SLC49A4: variants seen among roughly 807,000 people sequenced by gnomAD.
SLC49A4 encodes disrupted in renal cancer protein 2.
Under a neutral mutation model 50.6 loss-of-function variants are expected in SLC49A4, and 36 were observed. The observed-to-expected ratio is 0.71, with a 90% CI of 0.55 to 0.94. SLC49A4 has a LOEUF of 0.94. Ranked by LOEUF, SLC49A4 falls within the 40% of genes least tolerant of loss-of-function variation. The pLI is 0.00. For synonymous variants in SLC49A4, 248 were observed against 241.2 expected (o/e 1.03, Z -0.26); for missense variants, 503 against 605.7 (o/e 0.83, Z 1.78).
chr3:122,833,201 A>T (rs1936630317), intron 3 of SLC49A4, 116 bp from the exon 4 acceptor site: 2 of 1,000,894 alleles, frequency 2.0e-6, no homozygotes, highest in Admixed American at 4.0e-5. Context: ...TGTTCATGCC[A>T]CTGCATTCCA....
chr3:122,804,765 G>C (rs752311469), intron 1 of SLC49A4, among the ~76,000 whole-genome samples: 1 of 152,228 alleles, frequency 6.6e-6, no homozygotes, highest in African/African-American at 2.4e-5. Flanking sequence ...GATTATAGGC[G>C]TGAACCACAG....
intron 1 of SLC49A4, among the ~76,000 whole-genome samples, chr3:122,805,622 G>A (rs1936207469): frequency 6.6e-6 from 1 of 152,210 alleles, no homozygotes; most frequent in Admixed American, 6.5e-5. Flanking sequence ...GGCCACCTTT[G>A]CCATAGACTT....
intron 4 of SLC49A4, among the ~76,000 whole-genome samples, chr3:122,839,658 C>T (rs766842882): frequency 6.6e-6 from 1 of 152,106 alleles, no homozygotes; most frequent in Non-Finnish European, 1.5e-5. Context: ...CACTAATCAT[C>T]AGGGAAATGC....
At chr3:122,838,947 A>G (rs1359009950) in intron 4 of SLC49A4, among the ~76,000 whole-genome samples, 4 of 152,208 alleles carry the variant, frequency 2.6e-5, no homozygotes, top group Non-Finnish European at 5.9e-5. Context: ...CCTAAGCAAA[A>G]GGAACAAATC....
rs1479029921 is a variant in SLC49A4 at position 122,830,222 on chromosome 3, T to C, written c.704-3095T>C. 4.6e-5 allele frequency among the ~76,000 whole-genome samples: 7 copies of C among 152,340 alleles called. No individual in the cohort carries two copies. The East Asian group carries it at 1.4e-3, about 29-fold the overall frequency. The stretch of plus-strand genomic sequence containing the variant: ...CATTCCATGTTCATGTTGGGAGGTT[T>C]AATATTGTGAAGATATCCCCAAGTT... On this transcript the variant is annotated intron_variant, in intron 3 of 8. Transcript: ENST00000261038.
At chr3:122,814,145 A>G (rs1936334370) in intron 2 of SLC49A4, among the ~76,000 whole-genome samples, 1 of 152,056 alleles carries the variant, frequency 6.6e-6, no homozygotes, top group Non-Finnish European at 1.5e-5. Flanking sequence ...GTGCATTCCT[A>G]TAATCCCAGC....
intron 6 of SLC49A4, among the ~76,000 whole-genome samples, chr3:122,858,400 G>A (rs149590033): frequency 1.9e-3 from 288 of 152,268 alleles, no homozygotes; most frequent in African/African-American, 6.8e-3. Flanking sequence ...TCTGAAAACT[G>A]TTAGGTAAGC....
intron 1 of SLC49A4, among the ~76,000 whole-genome samples, chr3:122,803,007 AG>A (rs1454199602): frequency 6.6e-6 from 1 of 152,184 alleles, no homozygotes; most frequent in Non-Finnish European, 1.5e-5. Context: ...GCATGGAGTG[AG>A]ATGGAGTGGT....
chr3:122,845,308 A>C lies in SLC49A4; in HGVS notation c.834-455A>C, dbSNP rs560113694. Reference sequence around the variant, plus strand: ...AAAGGTTGTGATCTTGTTCTTTTTTATGTCTGTGGAGTATTCCATAGTGTA... The same window carrying C: ...AAAGGTTGTGATCTTGTTCTTTTTTCTGTCTGTGGAGTATTCCATAGTGTA... On this transcript the variant is annotated intron_variant, in intron 4 of 8. Coordinates refer to ENST00000261038, the MANE Select transcript of SLC49A4 (RefSeq NM_032839.3). Among the ~76,000 whole-genome samples the C allele has an allele frequency of 5.9e-5, 9 of 152,108 alleles. No individual in the cohort carries two copies. In the East Asian group the frequency reaches 1.5e-3, roughly 26 times the overall value.
intron 7 of SLC49A4, among the ~76,000 whole-genome samples, chr3:122,870,836 ATAATAAT>A (rs924569351): frequency 1.9e-4 from 25 of 132,128 alleles, no homozygotes; most frequent in East Asian, 1.4e-3. Flanking sequence ...AATAATAATA[ATAATAAT>A]TAATTAATAA....
intron 2 of SLC49A4, among the ~76,000 whole-genome samples, chr3:122,821,715 C>T (rs971491977): frequency 7.9e-5 from 12 of 152,202 alleles, no homozygotes; most frequent in Non-Finnish European, 1.5e-4. Context: ...GCCCACCCTT[C>T]CCAAGTCCAC....
intron 8 of SLC49A4, among the ~76,000 whole-genome samples, chr3:122,873,515 C>T (rs932836698): frequency 1.3e-5 from 2 of 152,122 alleles, no homozygotes; most frequent in African/African-American, 4.8e-5. Context: ...CATAATTATC[C>T]CTGGGTTTTG....
chr3:122,864,410 C>G (rs1937090870), intron 7 of SLC49A4, among the ~76,000 whole-genome samples: 1 of 152,152 alleles, frequency 6.6e-6, no homozygotes, highest in South Asian at 2.1e-4. Context: ...CCCTGTTAGC[C>G]ACAACTCACC....
intron 2 of SLC49A4, among the ~76,000 whole-genome samples, chr3:122,808,429 A>C (rs1160942967): frequency 6.6e-6 from 1 of 152,210 alleles, no homozygotes; most frequent in Non-Finnish European, 1.5e-5. Context: ...TGACAGAAGT[A>C]ATGGATGATG....
intron 2 of SLC49A4, among the ~76,000 whole-genome samples, chr3:122,812,793 CTATTTAA>C (rs2107559644): frequency 6.6e-6 from 1 of 152,318 alleles, no homozygotes; most frequent in African/African-American, 2.4e-5. Flanking sequence ...GGATTAGCCT[CTATTTAA>C]TAAATCTGTT....
intron 6 of SLC49A4, among the ~76,000 whole-genome samples, chr3:122,859,270 G>C (rs1937027958): frequency 6.6e-6 from 1 of 152,096 alleles, no homozygotes; most frequent in African/African-American, 2.4e-5. Context: ...ACATATTGCT[G>C]TGGTAAGCAA....
intron 2 of SLC49A4, among the ~76,000 whole-genome samples, chr3:122,817,437 T>G (rs1372520588): frequency 6.6e-6 from 1 of 152,162 alleles, no homozygotes; most frequent in Non-Finnish European, 1.5e-5. Flanking sequence ...GACTTCTGAT[T>G]TATGGAACTG....
At chr3:122,812,059 G>A (rs1936306937) in intron 2 of SLC49A4, among the ~76,000 whole-genome samples, 1 of 152,088 alleles carries the variant, frequency 6.6e-6, no homozygotes, top group Admixed American at 6.6e-5. Context: ...AGGCTCAAGG[G>A]ATCCTCCTGC....
At chr3:122,811,626 C>G (rs1412299158) in intron 2 of SLC49A4, among the ~76,000 whole-genome samples, 1 of 152,174 alleles carries the variant, frequency 6.6e-6, no homozygotes, top group Admixed American at 6.5e-5. Context: ...CATGTTTGTG[C>G]AGCTTTGCTT....
Sources: gnomAD v4.1 joint callset for allele counts (sites outside exome capture counted in the v4.1 genomes callset) on GRCh38, gnomAD v4.1.1 for gene constraint, MANE v1.5 for transcripts, NCBI Gene and HGNC (gene_info 2026-07-23, HGNC 2026-07-21) for gene names.